Variants in DPP10 observed in about 807,000 individuals in gnomAD.
DPP10 encodes inactive dipeptidyl peptidase 10.
A neutral mutation model predicts 120.9 loss-of-function variants in DPP10; 33 were observed. That is an observed-to-expected ratio of 0.27 (90% CI 0.21 to 0.37). The LOEUF is 0.37. Ranked by LOEUF, DPP10 falls within the 10% of genes least tolerant of loss-of-function variation. The pLI is 1.00. For missense variants in DPP10, 816 were observed against 942.8 expected (o/e 0.87, Z 1.76); for synonymous variants, 337 against 326.1 (o/e 1.03, Z -0.36).
chr2:115,206,199 TG>T (rs1022444409), intron 1 of DPP10, among the ~76,000 whole-genome samples: 6 of 152,070 alleles, frequency 3.9e-5, no homozygotes, highest in Non-Finnish European at 7.4e-5. Flanking sequence ...GACAAGAAAA[TG>T]GTGTTTCCCT....
At chr2:115,232,573 A>G (rs1372951023) in intron 1 of DPP10, among the ~76,000 whole-genome samples, 11 of 152,184 alleles carry the variant, frequency 7.2e-5, no homozygotes, top group Non-Finnish European at 4.4e-5. Context: ...TCTTCTGAAC[A>G]TGTATAGAGT....
chr2:115,389,548 T>G (rs2067187002), intron 3 of DPP10, among the ~76,000 whole-genome samples: 2 of 152,300 alleles, frequency 1.3e-5, no homozygotes, highest in East Asian at 3.9e-4. Flanking sequence ...ACCGATGTAA[T>G]GAACTAAATA....
At chr2:114,831,940 C>A (rs964453544) in intron 1 of DPP10, among the ~76,000 whole-genome samples, 74 of 150,160 alleles carry the variant, frequency 4.9e-4, no homozygotes, top group Non-Finnish European at 1.6e-4. Flanking sequence ...AACCTCTCTT[C>A]TCTCTCTTTT....
chr2:115,098,166 T>A (rs2048494577), intron 1 of DPP10, among the ~76,000 whole-genome samples: 1 of 152,162 alleles, frequency 6.6e-6, no homozygotes, highest in Non-Finnish European at 1.5e-5. Context: ...GTCTTACCTC[T>A]CCTTGGCTGA....
intron 1 of DPP10, among the ~76,000 whole-genome samples, chr2:115,055,684 T>C (rs920793312): frequency 1.3e-5 from 2 of 152,222 alleles, no homozygotes; most frequent in Non-Finnish European, 2.9e-5. Context: ...GATGACTCAT[T>C]GCAACACTGG....
intron 1 of DPP10, among the ~76,000 whole-genome samples, chr2:114,702,908 A>G (rs1035810116): frequency 6.6e-6 from 1 of 152,154 alleles, no homozygotes; most frequent in African/African-American, 2.4e-5. Flanking sequence ...TGTGTTGTTC[A>G]CATCAAAATC....
intron 1 of DPP10, among the ~76,000 whole-genome samples, chr2:114,907,149 AT>A (rs1425500941): frequency 6.6e-6 from 1 of 150,906 alleles, no homozygotes; most frequent in African/African-American, 2.4e-5. Flanking sequence ...TTAAAAAAAA[AT>A]ATTTCTGTAA....
At chr2:115,720,357 G>C (rs1365442937) in intron 7 of DPP10, among the ~76,000 whole-genome samples, 1 of 152,156 alleles carries the variant, frequency 6.6e-6, no homozygotes, top group South Asian at 2.1e-4. Context: ...ATTTTAAAGA[G>C]TAATTCCTCC....
intron 17 of DPP10, 60 bp from the exon 18 acceptor site, chr2:115,791,021 A>T: frequency 8.1e-7 from 1 of 1,233,958 alleles, no homozygotes; most frequent in Non-Finnish European, 1.2e-6. Flanking sequence ...TTGTTGTGTC[A>T]CACTGATTCT....
At chr2:114,690,048 T>C (rs180999777) in intron 1 of DPP10, among the ~76,000 whole-genome samples, 1 of 152,264 alleles carries the variant, frequency 6.6e-6, no homozygotes, top group Non-Finnish European at 1.5e-5. Context: ...TTCACTCTGA[T>C]GACAGTTTCT....
intron 1 of DPP10, among the ~76,000 whole-genome samples, chr2:114,535,506 C>A (rs1686410374): frequency 6.6e-6 from 1 of 152,084 alleles, no homozygotes; most frequent in African/African-American, 2.4e-5. Flanking sequence ...TCCCATTGCA[C>A]CCCCAAATTA....
At chr2:115,244,218 A>ATATG (rs1191918223) in intron 1 of DPP10, among the ~76,000 whole-genome samples, 1 of 88,922 alleles carries the variant, frequency 1.1e-5, no homozygotes, top group Non-Finnish European at 2.0e-5. Flanking sequence ...ATGTGTGTGT[A>ATATG]TATATATATA....
intron 5 of DPP10, among the ~76,000 whole-genome samples, chr2:115,558,923 T>C (rs2080388069): frequency 6.6e-6 from 1 of 152,176 alleles, no homozygotes; most frequent in Non-Finnish European, 1.5e-5. Flanking sequence ...GAATTGTATT[T>C]GTGAATGACA....
chr2:114,796,384 C>T (rs904128432), intron 1 of DPP10, among the ~76,000 whole-genome samples: 4 of 152,076 alleles, frequency 2.6e-5, no homozygotes, highest in Non-Finnish European at 5.9e-5. Context: ...TCAATAAATA[C>T]AGTACTGTAC....
intron 22 of DPP10, 81 bp downstream of exon 22, chr2:115,836,337 A>G: frequency 7.1e-7 from 1 of 1,401,966 alleles, no homozygotes; most frequent in Non-Finnish European, 9.9e-7. Context: ...AGCTCAATTG[A>G]GCTCATTTAT....
intron 1 of DPP10, among the ~76,000 whole-genome samples, chr2:115,221,886 T>C (rs1289936782): frequency 6.6e-6 from 1 of 151,638 alleles, no homozygotes; most frequent in East Asian, 1.9e-4. Flanking sequence ...TAAAGCCAGA[T>C]TGGGCATCAA....
chr2:115,330,229 A>G (rs1456640470), intron 2 of DPP10, among the ~76,000 whole-genome samples: 1 of 152,142 alleles, frequency 6.6e-6, no homozygotes, highest in African/African-American at 2.4e-5. Context: ...GGCTGCATAA[A>G]TGTCTTCTTT....
At chr2:114,800,233 G>A (rs998750121) in intron 1 of DPP10, among the ~76,000 whole-genome samples, 2 of 152,218 alleles carry the variant, frequency 1.3e-5, no homozygotes, top group African/African-American at 4.8e-5. Context: ...TGAAATTAAG[G>A]TGGGATTAAA....
intron 1 of DPP10, among the ~76,000 whole-genome samples, chr2:115,091,472 AGTTTTTTT>A (rs1416005511): frequency 6.6e-6 from 1 of 152,092 alleles, no homozygotes; most frequent in Non-Finnish European, 1.5e-5. Context: ...GTTTGAAGTT[AGTTTTTTT>A]GTTTTTTTGT....
Sources: allele counts gnomAD v4.1 joint callset (sites outside exome capture counted in the v4.1 genomes callset), GRCh38; gene constraint gnomAD v4.1.1; transcripts MANE v1.5; gene names NCBI Gene and HGNC (gene_info 2026-07-23, HGNC 2026-07-21).